The following OR5AS1 variants were observed in gnomAD, a reference collection of about 807,000 sequenced individuals.
OR5AS1 encodes olfactory receptor family 5 subfamily AS member 1.
For missense variants in OR5AS1, 492 were observed against 378.2 expected (o/e 1.30, Z -2.50); for synonymous variants, 196 against 141.7 (o/e 1.38, Z -2.72).
Position 56,034,715 on chromosome 11 carries a change from C to T in OR5AS1, c.*3322C>T, listed in dbSNP as rs1853386911. 6.6e-6 allele frequency: 1 copy of T among 152,092 alleles called. No individual in the cohort carries two copies. The highest frequency in any genetic ancestry group is 2.4e-5 in the African/African-American group (1 of 41,376). The allele number at this position is 152,092 out of a possible 1,614,324, so 9.4% of individuals were successfully genotyped here. A position where few individuals can be genotyped will look rare whatever the true frequency, so the allele number is the denominator to read the frequency against. ...AGGATATCATCCAGGAGAAACTCCC[C>T]AACCTAACAAGACAGGCCAACATTC... is the stretch of plus-strand genomic sequence containing the variant. On this transcript the variant is annotated 3_prime_UTR_variant, in exon 2 of 2. Transcript: ENST00000641320.
rs1275114855 is a variant in OR5AS1 at position 56,034,179 on chromosome 11, G to A, written c.*2786G>A. ...AAAAGGCTGAAAATTTCTAAAACCA[G>A]ACATCTCTTCTCCCACAAAGGATCA... On this transcript the variant is annotated 3_prime_UTR_variant, in exon 2 of 2. Coordinates refer to ENST00000641320, the MANE Select transcript of OR5AS1 (RefSeq NM_001001921.2). 2 of 152,050 alleles carry A rather than the reference G, an allele frequency of 1.3e-5. No individual in the cohort carries two copies. The highest frequency in any genetic ancestry group is 1.3e-4 in the Admixed American group (2 of 15,266). 9.4% of individuals were successfully genotyped at this position (152,050 alleles called of 1,614,324 possible). A position where few individuals can be genotyped will look rare whatever the true frequency, so the allele number is the denominator to read the frequency against.
Position 56,038,046 on chromosome 11 carries a change from T to A in OR5AS1, c.*6653T>A, listed in dbSNP as rs1043415276. The A allele has an allele frequency of 6.6e-6, 1 of 152,000 alleles. No homozygotes were observed. Among genetic ancestry groups the A allele is most frequent in the Non-Finnish European group, 1.5e-5 (1 of 67,996 alleles). 9.4% of individuals were successfully genotyped at this position (152,000 alleles called of 1,614,324 possible). On this transcript the variant is annotated 3_prime_UTR_variant, in exon 2 of 2. Transcript: ENST00000641320. ...AGGATTCCCTATTTAATAAATGGTGTTGGGAAAACTGGCTAGCCATATGCA... is the reference window on the plus strand; with the variant it reads ...AGGATTCCCTATTTAATAAATGGTGATGGGAAAACTGGCTAGCCATATGCA...
At position 56,033,972 on chromosome 11, in the gene OR5AS1, CAG is replaced by C. The variant is rs1853378369; in HGVS notation, c.*2580_*2581del. 1 of 152,298 alleles carries C rather than the reference CAG, an allele frequency of 6.6e-6. No individual in the cohort carries two copies. 9.4% of individuals were successfully genotyped at this position (152,298 alleles called of 1,614,324 possible). ...CTGTTCTGCAGCCTTCGCAGGCAAA[CAG>C]GGTCTGGAGTGGATCTCCAGCAAAC... On this transcript the variant is annotated 3_prime_UTR_variant, in exon 2 of 2. Coordinates refer to ENST00000641320, the MANE Select transcript of OR5AS1 (RefSeq NM_001001921.2).
chr11:56,033,896 G>A lies in OR5AS1; in HGVS notation c.*2503G>A, dbSNP rs1478093197. 2 of 152,270 alleles carry A rather than the reference G, an allele frequency of 1.3e-5. No homozygotes were observed. The highest frequency in any genetic ancestry group is 4.8e-5 in the African/African-American group (2 of 41,400). 9.4% of individuals were successfully genotyped at this position (152,270 alleles called of 1,614,324 possible). A position where few individuals can be genotyped will look rare whatever the true frequency, so the allele number is the denominator to read the frequency against. On this transcript the variant is annotated 3_prime_UTR_variant, in exon 2 of 2. Coordinates refer to ENST00000641320, the MANE Select transcript of OR5AS1 (RefSeq NM_001001921.2). Reference sequence around the variant, plus strand: ...GAGAGCTCCAGCTGGCATCTCACAGGTGTGCCTCTAGGATGAAGCTTCCAA... The same window carrying A: ...GAGAGCTCCAGCTGGCATCTCACAGATGTGCCTCTAGGATGAAGCTTCCAA...
At position 56,036,185 on chromosome 11, in the gene OR5AS1, G is replaced by T. The variant is rs184680021; in HGVS notation, c.*4792G>T. 1.1e-4 allele frequency: 17 copies of T among 152,190 alleles called. No homozygotes were observed. Among genetic ancestry groups the T allele is most frequent in the African/African-American group, 4.1e-4 (17 of 41,500 alleles). The allele number at this position is 152,190 out of a possible 1,614,324, so 9.4% of individuals were successfully genotyped here. On this transcript the variant is annotated 3_prime_UTR_variant, in exon 2 of 2. Coordinates refer to ENST00000641320, the MANE Select transcript of OR5AS1 (RefSeq NM_001001921.2). ...AAGGCCCACAAGAGAAAGCAGGAAA[G>T]ATCTAAAATCAACACCCTAACATCA...
At chr11:56,029,995 C>A (rs900929203) in intron 1 of OR5AS1, among the ~76,000 whole-genome samples, 1 of 152,088 alleles carries the variant, frequency 6.6e-6, no homozygotes, top group African/African-American at 2.4e-5. Flanking sequence ...TATCTCAACT[C>A]TCCTTTATGT....
At position 56,030,416 on chromosome 11, in the gene OR5AS1, A is replaced by G; in HGVS notation, c.-3A>G. Reference sequence around the variant, plus strand: ...GTCCAGTGGGAAAAACAAGAAAACTAAGATGTTGGAGAGTAATTACACCAT... The same window carrying G: ...GTCCAGTGGGAAAAACAAGAAAACTGAGATGTTGGAGAGTAATTACACCAT... On this transcript the variant is annotated 5_prime_UTR_variant, in exon 2 of 2. Transcript: ENST00000641320. 1 of 1,441,950 alleles carries G rather than the reference A, an allele frequency of 6.9e-7. No individual in the cohort carries two copies. Among genetic ancestry groups the G allele is most frequent in the Non-Finnish European group, 9.1e-7 (1 of 1,093,594 alleles). 89.3% of individuals were successfully genotyped at this position (1,441,950 alleles called of 1,614,324 possible). A position where few individuals can be genotyped will look rare whatever the true frequency, so the allele number is the denominator to read the frequency against.
rs1477753138 is a variant in OR5AS1 at position 56,033,894 on chromosome 11, A to G, written c.*2501A>G. 1 of 152,262 alleles carries G rather than the reference A, an allele frequency of 6.6e-6. No homozygotes were observed. The highest frequency in any genetic ancestry group is 1.5e-5 in the Non-Finnish European group (1 of 68,138). 9.4% of individuals were successfully genotyped at this position (152,262 alleles called of 1,614,324 possible). A position where few individuals can be genotyped will look rare whatever the true frequency, so the allele number is the denominator to read the frequency against. Reference sequence around the variant, plus strand: ...GAGAGAGCTCCAGCTGGCATCTCACAGGTGTGCCTCTAGGATGAAGCTTCC... The same window carrying G: ...GAGAGAGCTCCAGCTGGCATCTCACGGGTGTGCCTCTAGGATGAAGCTTCC... On this transcript the variant is annotated 3_prime_UTR_variant, in exon 2 of 2. Coordinates refer to ENST00000641320, the MANE Select transcript of OR5AS1 (RefSeq NM_001001921.2).
chr11:56,030,729 T>G lies in OR5AS1; in HGVS notation c.311T>G (p.Phe104Cys), dbSNP rs1853339169. ...GGGTGTGCACTACAAATGTTTTTCT[T>G]CGCTTCTTTTGCTGATGCTGAGTGC... The part of the protein sequence containing the change: ...PYGCALQMFF[F>C]ASFADAECLI... Residue 104 changes from phenylalanine (F) to cysteine (C), a missense_variant, in exon 2 of 2, where the codon TTC becomes TGC. Phe to Cys is a radical substitution (Grantham distance 205). Coordinates refer to ENST00000641320, the MANE Select transcript of OR5AS1 (RefSeq NM_001001921.2). The G allele has an allele frequency of 6.2e-7, 1 of 1,612,114 alleles. No homozygotes were observed. Among genetic ancestry groups the G allele is most frequent in the South Asian group, 1.1e-5 (1 of 91,024 alleles).
chr11:56,031,223 G>T lies in OR5AS1; in HGVS notation c.805G>T (p.Asp269Tyr), dbSNP rs754516384. 6.2e-7 allele frequency: 1 copy of T among 1,613,502 alleles called. No individual in the cohort carries two copies. ...ACAGCCCACCACTAGCTATTCCCTA[G>T]ACACTGATAAGGTGGTGGCAGTGTT... ...YLQPTTSYSL[D>Y]TDKVVAVFYT... Residue 269 changes from aspartate to tyrosine, a missense_variant, in exon 2 of 2, where the codon GAC becomes TAC. Transcript: ENST00000641320.
rs766328084 is a variant in OR5AS1, at chr11:56,031,320, T to C, written c.902T>C (p.Leu301Pro). 2 of 1,599,174 alleles carry C rather than the reference T, an allele frequency of 1.3e-6. No homozygotes were observed. Among genetic ancestry groups the C allele is most frequent in the Admixed American group, 1.7e-5 (1 of 58,578 alleles). ...AGAAACAAGGATGTGAAAAATGCTC[T>C]CAAAAAGCTATTAGAAAGAATTGGA... ...SFRNKDVKNA[L>P]KKLLERIGYS... is the part of the protein sequence containing the mutation. Residue 301 changes from leucine (L) to proline (P), a missense_variant, in exon 2 of 2, where the codon CTC becomes CCC. Physicochemically the swap from Leu to Pro is moderately conservative, Grantham distance 98. Coordinates refer to ENST00000641320, the MANE Select transcript of OR5AS1 (RefSeq NM_001001921.2).
At position 56,034,362 on chromosome 11, in the gene OR5AS1, C is replaced by G. The variant is rs146849534; in HGVS notation, c.*2969C>G. 1 of 151,932 alleles carries G rather than the reference C, an allele frequency of 6.6e-6. No individual in the cohort carries two copies. The highest frequency in any genetic ancestry group is 2.1e-4 in the South Asian group (1 of 4,826). The allele number at this position is 151,932 out of a possible 1,614,324, so 9.4% of individuals were successfully genotyped here. ...CTCAATGCAAAGAAGCTAAGAACCT[C>G]GAAAAATGGTTAGAGGAATTGCTAA... On this transcript the variant is annotated 3_prime_UTR_variant, in exon 2 of 2. Coordinates refer to ENST00000641320, the MANE Select transcript of OR5AS1 (RefSeq NM_001001921.2).
rs887033079 is a variant in OR5AS1, at chr11:56,031,737, T to G, written c.*344T>G. ...AGCATGTGTATATTGGCTTGTTTTT[T>G]CCACCACCTGTTTGGCACCTGGTAT... On this transcript the variant is annotated 3_prime_UTR_variant, in exon 2 of 2. Coordinates refer to ENST00000641320, the MANE Select transcript of OR5AS1 (RefSeq NM_001001921.2). The G allele has an allele frequency of 5.8e-6, 1 of 172,132 alleles. No individual in the cohort carries two copies. The highest frequency in any genetic ancestry group is 2.4e-5 in the African/African-American group (1 of 41,824). 10.7% of individuals were successfully genotyped at this position (172,132 alleles called of 1,614,324 possible).
Position 56,031,201 on chromosome 11 carries a change from G to T in OR5AS1, c.783G>T (p.Gln261His). The T allele has an allele frequency of 6.2e-7, 1 of 1,613,706 alleles. No homozygotes were observed. The highest frequency in any genetic ancestry group is 2.2e-5 in the East Asian group (1 of 44,858). Reference sequence around the variant, plus strand: ...GAGCGCTCCTGTTTATGTACTTACAGCCCACCACTAGCTATTCCCTAGACA... The same window carrying T: ...GAGCGCTCCTGTTTATGTACTTACATCCCACCACTAGCTATTCCCTAGACA... The part of the protein sequence containing the change: ...FYGALLFMYL[Q>H]PTTSYSLDTD... Residue 261 changes from glutamine to histidine, a missense_variant, in exon 2 of 2, where the codon CAG becomes CAT. Gln to His is a conservative substitution (Grantham distance 24). Coordinates refer to ENST00000641320, the MANE Select transcript of OR5AS1 (RefSeq NM_001001921.2).
Position 56,031,501 on chromosome 11 carries a change from T to C in OR5AS1, c.*108T>C, listed in dbSNP as rs573970343. 7.7e-5 allele frequency: 60 copies of C among 781,740 alleles called. No individual in the cohort carries two copies. The highest frequency in any genetic ancestry group is 4.8e-4 in the Admixed American group (19 of 39,210). The allele number at this position is 781,740 out of a possible 1,614,324, so 48.4% of individuals were successfully genotyped here. A position where few individuals can be genotyped will look rare whatever the true frequency, so the allele number is the denominator to read the frequency against. On this transcript the variant is annotated 3_prime_UTR_variant, in exon 2 of 2. Coordinates refer to ENST00000641320, the MANE Select transcript of OR5AS1 (RefSeq NM_001001921.2). ...AATAAAGATAACTTGTTATACTCAG[T>C]GCATTAAAATGCTTCATCCTCTCTT...
At chr11:56,028,974 T>C (rs947019636) in intron 1 of OR5AS1, among the ~76,000 whole-genome samples, 5 of 152,078 alleles carry the variant, frequency 3.3e-5, no homozygotes, top group African/African-American at 1.2e-4. Context: ...ATTTTTCTAG[T>C]ATTTTTTCAG....
In OR5AS1 at chr11:56,035,406, C is replaced by T. The variant is rs61890013; in HGVS notation, c.*4013C>T. The T allele has an allele frequency of 6.7e-5, 10 of 150,126 alleles. No individual in the cohort carries two copies. Among genetic ancestry groups the T allele is most frequent in the African/African-American group, 2.0e-4 (8 of 40,626 alleles). The allele number at this position is 150,126 out of a possible 1,614,324, so 9.3% of individuals were successfully genotyped here. ...CAAAGCATACATAGGCTCAAAATAACGGGATGGAGGAATATTTACCAAGCA... is the reference window on the plus strand; with the variant it reads ...CAAAGCATACATAGGCTCAAAATAATGGGATGGAGGAATATTTACCAAGCA... On this transcript the variant is annotated 3_prime_UTR_variant, in exon 2 of 2. Coordinates refer to ENST00000641320, the MANE Select transcript of OR5AS1 (RefSeq NM_001001921.2).
rs1001489094 is a variant in OR5AS1, at chr11:56,037,290, G to A, written c.*5897G>A. On this transcript the variant is annotated 3_prime_UTR_variant, in exon 2 of 2. Transcript: ENST00000641320. Reference sequence around the variant, plus strand: ...CAATCAGGCAAGATAAAGAAATAAAGGATATTCAAATAGGAAAAGAGGAAG... The same window carrying A: ...CAATCAGGCAAGATAAAGAAATAAAAGATATTCAAATAGGAAAAGAGGAAG... The A allele has an allele frequency of 2.0e-5, 3 of 152,024 alleles. No homozygotes were observed. Among genetic ancestry groups the A allele is most frequent in the Non-Finnish European group, 4.4e-5 (3 of 68,034 alleles). The allele number at this position is 152,024 out of a possible 1,614,324, so 9.4% of individuals were successfully genotyped here. A position where few individuals can be genotyped will look rare whatever the true frequency, so the allele number is the denominator to read the frequency against.
At position 56,031,021 on chromosome 11, in the gene OR5AS1, T is replaced by A; in HGVS notation, c.603T>A (p.Ala201=). Residue 201 remains alanine (A), a synonymous_variant, in exon 2 of 2, where the codon GCT becomes GCA. Coordinates refer to ENST00000641320, the MANE Select transcript of OR5AS1 (RefSeq NM_001001921.2). ...AGATCAACCAGCTTCTGCTCTTTGC[T>A]TTGTGCAGCTTCATCCAGACCAGCA... is the stretch of plus-strand genomic sequence containing the variant. ...DTQINQLLLF[A]LCSFIQTSTF... The A allele has an allele frequency of 1.2e-6, 2 of 1,614,200 alleles. No individual in the cohort carries two copies. The highest frequency in any genetic ancestry group is 1.7e-6 in the Non-Finnish European group (2 of 1,180,038).
Sources: gnomAD v4.1 joint callset for allele counts (sites outside exome capture counted in the v4.1 genomes callset) on GRCh38, gnomAD v4.1.1 for gene constraint, MANE v1.5 for transcripts, NCBI Gene and HGNC (gene_info 2026-07-23, HGNC 2026-07-21) for gene names.